MARCHF4: variants seen among roughly 807,000 people sequenced by gnomAD.
MARCHF4 encodes the protein E3 ubiquitin-protein ligase MARCHF4.
MARCHF4 carries 14 observed loss-of-function variants against 43.9 expected under a neutral mutation model. The ratio of observed to expected loss-of-function variants is 0.32; its 90% CI spans 0.21 to 0.50. The LOEUF is 0.50. Among genes scored for constraint, MARCHF4 ranks in the 20% least tolerant of loss-of-function variants. The pLI is 0.98. For missense variants in MARCHF4, 468 were observed against 536.7 expected, an observed-to-expected ratio of 0.87 and a Z score of 1.27; for synonymous variants, 226 against 213.3, an observed-to-expected ratio of 1.06 and a Z score of -0.52.
chr2:216,332,306 C>T (rs1338267280), intron 1 of MARCHF4, among the ~76,000 whole-genome samples: 2 of 151,188 alleles, frequency 1.3e-5, no homozygotes, highest in African/African-American at 2.4e-5. Context: ...GCACAAGAAT[C>T]GCTTGAACCC....
chr2:216,273,520 C>A (rs10490364), intron 3 of MARCHF4, among the ~76,000 whole-genome samples: 20,689 of 152,114 alleles, frequency 0.14, 1,463 homozygotes, highest in South Asian at 0.25. Flanking sequence ...CAATGTTTTC[C>A]TCAACCAGCA....
chr2:216,285,634 A>C (rs1691207590), intron 1 of MARCHF4, among the ~76,000 whole-genome samples: 1 of 152,116 alleles, frequency 6.6e-6, no homozygotes, highest in Non-Finnish European at 1.5e-5. Context: ...GGAGAGGAGA[A>C]GAAGAGGCTG....
At chr2:216,357,236 T>C (rs546044009) in intron 1 of MARCHF4, among the ~76,000 whole-genome samples, 1 of 152,314 alleles carries the variant, frequency 6.6e-6, no homozygotes, top group African/African-American at 2.4e-5. Context: ...CAATCCAGAT[T>C]ATACATTGTA....
At chr2:216,273,501 CT>C (rs1690972576) in intron 3 of MARCHF4, among the ~76,000 whole-genome samples, 1 of 152,150 alleles carries the variant, frequency 6.6e-6, no homozygotes. Flanking sequence ...GATATTGATG[CT>C]TTTTTGTCAA....
At chr2:216,310,078 T>C (rs1691659333) in intron 1 of MARCHF4, among the ~76,000 whole-genome samples, 2 of 127,034 alleles carry the variant, frequency 1.6e-5, no homozygotes, top group South Asian at 2.8e-4. Context: ...AGGCAAAGTA[T>C]AGAACCACTG....
At chr2:216,354,899 CTTTCT>C (rs1692460493) in intron 1 of MARCHF4, among the ~76,000 whole-genome samples, 1 of 44,790 alleles carries the variant, frequency 2.2e-5, no homozygotes. Context: ...TGTTTTCTTT[CTTTCT>C]TTCTTTCTTT....
intron 2 of MARCHF4, among the ~76,000 whole-genome samples, chr2:216,279,658 G>T (rs949249209): frequency 6.6e-6 from 1 of 152,202 alleles, no homozygotes; most frequent in Non-Finnish European, 1.5e-5. Flanking sequence ...GGCCTCCAGG[G>T]AATTTTAACT....
chr2:216,323,095 C>T (rs1475992861), intron 1 of MARCHF4, among the ~76,000 whole-genome samples: 2 of 152,076 alleles, frequency 1.3e-5, no homozygotes, highest in Admixed American at 6.5e-5. Flanking sequence ...ATGAGTGTAC[C>T]TAATATTGAA....
chr2:216,302,147 C>T (rs1691500763), intron 1 of MARCHF4, among the ~76,000 whole-genome samples: 1 of 152,198 alleles, frequency 6.6e-6, no homozygotes. Flanking sequence ...CTTTAAAACT[C>T]ACAGCAATAA....
intron 3 of MARCHF4, among the ~76,000 whole-genome samples, chr2:216,266,811 G>T (rs764636101): frequency 1.1e-4 from 17 of 152,192 alleles, no homozygotes; most frequent in Non-Finnish European, 7.3e-5. Context: ...AGGGGGTACT[G>T]CTGGGAAAGG....
chr2:216,300,581 A>G (rs766911428), intron 1 of MARCHF4, among the ~76,000 whole-genome samples: 1 of 152,076 alleles, frequency 6.6e-6, no homozygotes, highest in Non-Finnish European at 1.5e-5. Context: ...CCTGGGTTCA[A>G]GCAATCCACC....
At chr2:216,336,066 TAAAAAAAA>T (rs34216672) in intron 1 of MARCHF4, among the ~76,000 whole-genome samples, 2 of 60,600 alleles carry the variant, frequency 3.3e-5, no homozygotes, top group African/African-American at 1.3e-4. Context: ...AGACTCTGTC[TAAAAAAAA>T]AAAAAAAAAA....
At chr2:216,329,755 C>T (rs1476477437) in intron 1 of MARCHF4, among the ~76,000 whole-genome samples, 1 of 150,178 alleles carries the variant, frequency 6.7e-6, no homozygotes, top group Admixed American at 6.7e-5. Context: ...AATATAAAAA[C>T]CCAACTGTAT....
intron 3 of MARCHF4, among the ~76,000 whole-genome samples, chr2:216,267,529 T>G (rs1173794886): frequency 6.6e-6 from 1 of 152,206 alleles, no homozygotes; most frequent in Non-Finnish European, 1.5e-5. Context: ...AATCTCCTAC[T>G]GCTCAGGAAC....
rs201503998 is a variant in MARCHF4, at chr2:216,302,897, C to CAAA, written c.517-19171_517-19169dup. Among the ~76,000 whole-genome samples the CAAA allele has an allele frequency of 1.9e-3, 147 of 78,330 alleles. 5 individuals are homozygous for CAAA. The highest frequency in any genetic ancestry group is 6.1e-3 in the African/African-American group (75 of 12,346). 51.4% of individuals were successfully genotyped at this position (78,330 alleles called of 152,430 possible). A position where few individuals can be genotyped will look rare whatever the true frequency, so the allele number is the denominator to read the frequency against. On this transcript the variant is annotated intron_variant, in intron 1 of 3. Coordinates refer to ENST00000273067, the MANE Select transcript of MARCHF4 (RefSeq NM_020814.3). ...TGGGTGACAAGGTGAGACTCTGTAT[C>CAAA]AAAAAAAAAAAAAAAAAAAAAAAAA...
At chr2:216,360,915 A>G (rs1335145244) in intron 1 of MARCHF4, among the ~76,000 whole-genome samples, 3 of 151,932 alleles carry the variant, frequency 2.0e-5, no homozygotes, top group Non-Finnish European at 4.4e-5. Context: ...CCAGGGCTCA[A>G]ACGATCCTCC....
intron 1 of MARCHF4, among the ~76,000 whole-genome samples, chr2:216,313,618 C>G (rs973113671): frequency 6.6e-6 from 1 of 152,196 alleles, no homozygotes; most frequent in Non-Finnish European, 1.5e-5. Flanking sequence ...GTGTCCCTAT[C>G]TTCCTCTTTC....
intron 1 of MARCHF4, among the ~76,000 whole-genome samples, chr2:216,320,063 T>A (rs1261987804): frequency 1.3e-5 from 2 of 152,132 alleles, no homozygotes; most frequent in Non-Finnish European, 2.9e-5. Flanking sequence ...CCCAGTGTGA[T>A]GGGTGGTGTT....
In MARCHF4 at chr2:216,258,601, GGACACCCTTTTCCAAA is replaced by G. The variant is rs1690690009; in HGVS notation, c.*695_*710del. The G allele has an allele frequency of 6.6e-6, 1 of 150,714 alleles. No individual in the cohort carries two copies. The highest frequency in any genetic ancestry group is 6.7e-5 in the Admixed American group (1 of 15,034). The allele number at this position is 150,714 out of a possible 1,614,324, so 9.3% of individuals were successfully genotyped here. Reference sequence around the variant, plus strand: ...AAAATAAATTAACAAGGGCACAGAAGGACACCCTTTTCCAAACCTAAGCCCTCTTTTAGCCCACCTG... The same window carrying G: ...AAAATAAATTAACAAGGGCACAGAAGCCTAAGCCCTCTTTTAGCCCACCTG... On this transcript the variant is annotated 3_prime_UTR_variant, in exon 4 of 4. Coordinates refer to ENST00000273067, the MANE Select transcript of MARCHF4 (RefSeq NM_020814.3).
Sources: allele counts gnomAD v4.1 joint callset (sites outside exome capture counted in the v4.1 genomes callset), GRCh38; gene constraint gnomAD v4.1.1; transcripts MANE v1.5; gene names NCBI Gene and HGNC (gene_info 2026-07-23, HGNC 2026-07-21).